Variants in INTS2 observed in about 807,000 individuals in gnomAD.
The protein encoded by INTS2 is KIAA1287.
In INTS2, 57 loss-of-function variants were observed where a neutral mutation model predicts 139.6. The ratio of observed to expected loss-of-function variants is 0.41; its 90% CI spans 0.33 to 0.51. The LOEUF (loss-of-function observed/expected upper bound fraction) is 0.51, where lower values mean the gene tolerates loss of function less well. Ranked by LOEUF, INTS2 falls within the 20% of genes least tolerant of loss-of-function variation. The pLI, the probability that INTS2 is intolerant of heterozygous loss-of-function variation, is 0.28. For missense variants in INTS2, 1,196 were observed against 1,436.7 expected, an observed-to-expected ratio of 0.83 and a Z score of 2.71; for synonymous variants, 473 against 493.4, an observed-to-expected ratio of 0.96 and a Z score of 0.55.
intron 4 of INTS2, among the ~76,000 whole-genome samples, chr17:61,921,000 G>A (rs2079635800): frequency 6.6e-6 from 1 of 152,086 alleles, no homozygotes. Context: ...GCCCAGACTG[G>A]TCTTGAACTC....
At chr17:61,911,483 T>C (rs777408837) in intron 7 of INTS2, 37 bp downstream of exon 7, 3 of 1,569,858 alleles carry the variant, frequency 1.9e-6, no homozygotes, top group African/African-American at 1.4e-5. Flanking sequence ...TGCTAAAGTA[T>C]TCTGATCCTT....
chr17:61,906,834 A>C lies in INTS2; in HGVS notation c.1181+574T>G, dbSNP rs1325325833. On this transcript the variant is annotated intron_variant, in intron 8 of 24. Coordinates refer to ENST00000251334, the MANE Select transcript of INTS2 (RefSeq NM_001351695.2). ...ACCCCGTCTCTACTAAAAATACAAA[A>C]AAAAAAAAAAAAAAATTAGCCGGGT... Among the ~76,000 whole-genome samples, 3 of 150,300 alleles carry C rather than the reference A, an allele frequency of 2.0e-5. No individual in the cohort carries two copies. The East Asian group carries it at 5.8e-4, about 29-fold the overall frequency.
rs955638267 is a variant in INTS2, at chr17:61,876,542, G to A, written c.2456+1345C>T. 1.3e-5 allele frequency among the ~76,000 whole-genome samples: 2 copies of A among 151,912 alleles called. No individual in the cohort carries two copies. Among genetic ancestry groups the A allele is most frequent in the Admixed American group, 6.6e-5 (1 of 15,250 alleles). The stretch of plus-strand genomic sequence containing the variant: ...AAGCCTCCATCTCCTGGGCTCAAGC[G>A]ATCGTCCTGCCTCAGCCCACCAAGT... On this transcript the variant is annotated intron_variant, in intron 18 of 24. Transcript: ENST00000251334. The surrounding 1 kb of genome is among the most constrained non-coding windows in gnomAD (Gnocchi z 4.1).
rs1265845623 is a variant in INTS2 at position 61,875,472 on chromosome 17, G to A, written c.2457-434C>T. Among the ~76,000 whole-genome samples, 1 of 152,090 alleles carries A rather than the reference G, an allele frequency of 6.6e-6. No homozygotes were observed. The highest frequency in any genetic ancestry group is 1.5e-5 in the Non-Finnish European group (1 of 68,012). ...TTCCATAAATATAAGTCACTATTCT[G>A]GATTTATCATCATAAAGTCTCCAAG... On this transcript the variant is annotated intron_variant, in intron 18 of 24. Transcript: ENST00000251334. This position sits in a 1 kb window ranked among gnomAD's most constrained non-coding sequence, Gnocchi z 4.6.
At chr17:61,926,688 T>C (rs2079718510) in intron 1 of INTS2, 26 bp from the exon 2 acceptor site, 4 of 1,558,582 alleles carry the variant, frequency 2.6e-6, no homozygotes, top group East Asian at 2.3e-5. Flanking sequence ...CAAATGAAAG[T>C]AGGAGTTTAA....
chr17:61,871,539 T>C lies in INTS2; in HGVS notation c.2778+726A>G, dbSNP rs1390247102. ...GTTGTCTGTCTCCATAATTTGACAT[T>C]TGATCTTAAGAAACAAATAACTAAG... On this transcript the variant is annotated intron_variant, in intron 20 of 24. Transcript: ENST00000251334. This position sits in a 1 kb window ranked among gnomAD's most constrained non-coding sequence, Gnocchi z 4.9. Among the ~76,000 whole-genome samples the C allele has an allele frequency of 2.0e-5, 3 of 152,224 alleles. No homozygotes were observed. Among genetic ancestry groups the C allele is most frequent in the African/African-American group, 7.2e-5 (3 of 41,466 alleles).
At chr17:61,888,294 A>G (rs1185590735) in intron 15 of INTS2, among the ~76,000 whole-genome samples, 3 of 151,758 alleles carry the variant, frequency 2.0e-5, no homozygotes, top group African/African-American at 7.3e-5. Context: ...CTTGAGCCCA[A>G]GAGATCAAGG....
At chr17:61,884,617 T>C (rs2079208473) in intron 16 of INTS2, among the ~76,000 whole-genome samples, 1 of 152,182 alleles carries the variant, frequency 6.6e-6, no homozygotes, top group Non-Finnish European at 1.5e-5. Context: ...CTGCTGTTTC[T>C]GTAGCTCTAA....
rs920557190 is a variant in INTS2 at position 61,871,035 on chromosome 17, C to G, written c.2779-1047G>C. Among the ~76,000 whole-genome samples, 5 of 152,182 alleles carry G rather than the reference C, an allele frequency of 3.3e-5. No individual in the cohort carries two copies. Among genetic ancestry groups the G allele is most frequent in the Non-Finnish European group, 7.4e-5 (5 of 68,000 alleles). The stretch of plus-strand genomic sequence containing the variant: ...AGGCTAGCACCTACCATATGGTAAG[C>G]ACTACACAGATGTTAGCTTTTATGA... On this transcript the variant is annotated intron_variant, in intron 20 of 24. Transcript: ENST00000251334. This position sits in a 1 kb window ranked among gnomAD's most constrained non-coding sequence, Gnocchi z 4.9.
intron 12 of INTS2, 35 bp downstream of exon 12, chr17:61,895,273 TAAAAGAA>T: frequency 8.6e-7 from 1 of 1,167,690 alleles, no homozygotes; most frequent in Non-Finnish European, 1.2e-6. Context: ...AAGAATATTG[TAAAAGAA>T]AGTTAAATAA....
chr17:61,903,834 G>A (rs1363034295), intron 9 of INTS2, among the ~76,000 whole-genome samples: 5 of 152,058 alleles, frequency 3.3e-5, no homozygotes, highest in African/African-American at 1.2e-4. Context: ...ATGTGTTTAG[G>A]ACAGGGAGAA....
chr17:61,869,830 G>A lies in INTS2; in HGVS notation c.2937C>T (p.Leu979=), dbSNP rs1412649927. ...GGCACTGAACTTCTCGAAGGTTACA[G>A]AGCAAATTGTCTTCTCCTTCCTCCA... ...KGMEEGEDNL[L]CNLREVQCLI... Residue 979 remains leucine (L), a synonymous_variant, in exon 21 of 25, where the codon CTC becomes CTT. Transcript: ENST00000251334. This position sits in a 1 kb window ranked among gnomAD's most constrained non-coding sequence, Gnocchi z 5.4. 1 of 1,613,926 alleles carries A rather than the reference G, an allele frequency of 6.2e-7. No homozygotes were observed. The highest frequency in any genetic ancestry group is 1.1e-5 in the South Asian group (1 of 91,076).
intron 15 of INTS2, chr17:61,885,359 T>C (rs9890526): frequency 0.52 from 117,964 of 225,272 alleles, 33,187 homozygotes; most frequent in East Asian, 0.81. Context: ...CATGAACATA[T>C]GGCCTAGAGC....
intron 5 of INTS2, among the ~76,000 whole-genome samples, chr17:61,915,816 TA>T (rs1193639396): frequency 0.039 from 2,499 of 64,162 alleles, 81 homozygotes; most frequent in African/African-American, 0.14. Context: ...AGACTCTGTC[TA>T]AAAAAAAAAA....
rs2079174557 is a variant in INTS2, at chr17:61,881,134, G to A, written c.2127C>T (p.Asn709=). The change falls in exon 17 of 25, where the codon AAC becomes AAT. Residue 709 remains asparagine, a synonymous_variant. Transcript: ENST00000251334. ...CATCCACAATACATAAATGTGGGTAGTTAGTAGCAAGGAGACGTAGTAAAG... is the reference window on the plus strand; with the variant it reads ...CATCCACAATACATAAATGTGGGTAATTAGTAGCAAGGAGACGTAGTAAAG... The part of the protein sequence containing the change: ...HSALLRLLAT[N]YPHLCIVDDW... 11 of 1,613,192 alleles carry A rather than the reference G, an allele frequency of 6.8e-6. No individual in the cohort carries two copies. Among genetic ancestry groups the A allele is most frequent in the Non-Finnish European group, 9.3e-6 (11 of 1,179,342 alleles).
chr17:61,879,953 C>T (rs2079163037), intron 17 of INTS2, among the ~76,000 whole-genome samples: 1 of 152,192 alleles, frequency 6.6e-6, no homozygotes, highest in Non-Finnish European at 1.5e-5. Flanking sequence ...TTACAGCTCA[C>T]ATTATATATA....
intron 16 of INTS2, among the ~76,000 whole-genome samples, chr17:61,883,794 C>T (rs1267155964): frequency 1.3e-5 from 2 of 148,154 alleles, no homozygotes; most frequent in Non-Finnish European, 3.0e-5. Flanking sequence ...TCCAACTTAA[C>T]AGAAAGAAAA....
In INTS2 at chr17:61,875,931, G is replaced by A. The variant is rs750584093; in HGVS notation, c.2457-893C>T. ...CCTGTGAAATCCCAGCACTTTGGGA[G>A]GCTGAGGCAGAAGGTTCGCTTGAGC... On this transcript the variant is annotated intron_variant, in intron 18 of 24. Transcript: ENST00000251334. The surrounding 1 kb of genome is among the most constrained non-coding windows in gnomAD (Gnocchi z 4.6). Among the ~76,000 whole-genome samples the A allele has an allele frequency of 9.2e-5, 14 of 152,162 alleles. No individual in the cohort carries two copies. Among genetic ancestry groups the A allele is most frequent in the Non-Finnish European group, 1.8e-4 (12 of 68,032 alleles).
chr17:61,891,312 C>CA (rs888266839), intron 14 of INTS2, among the ~76,000 whole-genome samples: 32 of 146,278 alleles, frequency 2.2e-4, no homozygotes, highest in Non-Finnish European at 3.9e-4. Flanking sequence ...AACTCCATCT[C>CA]AAAAAAAAAA....
Sources: gnomAD v4.1 joint callset for allele counts (sites outside exome capture counted in the v4.1 genomes callset) on GRCh38, gnomAD v4.1.1 for gene constraint, Gnocchi (gnomAD v3.1) non-coding constraint, MANE v1.5 for transcripts, NCBI Gene and HGNC (gene_info 2026-07-23, HGNC 2026-07-21) for gene names.